VSNL1: variants seen among roughly 807,000 people sequenced by gnomAD.
VSNL1 encodes the protein visinin like 1.
VSNL1 carries 6 observed loss-of-function variants against 20.4 expected under a neutral mutation model. The ratio of observed to expected loss-of-function variants is 0.29; its 90% CI spans 0.16 to 0.58. The LOEUF is 0.58. Ranked by LOEUF, VSNL1 falls within the 20% of genes least tolerant of loss-of-function variation. VSNL1 has a pLI of 0.90. For missense variants in VSNL1, 100 were observed against 234.5 expected (o/e 0.43, Z 3.75); for synonymous variants, 93 against 86.4 (o/e 1.08, Z -0.42).
Position 17,573,221 on chromosome 2 carries a change from G to A in VSNL1, c.-5-18849G>A, listed in dbSNP as rs145513384. On this transcript the variant is annotated intron_variant, in intron 1 of 3. Transcript: ENST00000295156. ...GCAAATTTACTCATGTTTTAAGTCT[G>A]GGAGCATGAAGTGGGAGAAGTAAGA... 2.2e-3 allele frequency among the ~76,000 whole-genome samples: 330 copies of A among 152,254 alleles called. 1 individual carries two copies. Among genetic ancestry groups the A allele is most frequent in the African/African-American group, 6.2e-3 (259 of 41,542 alleles).
intron 2 of VSNL1, among the ~76,000 whole-genome samples, chr2:17,646,418 G>A (rs1474082862): frequency 6.6e-6 from 1 of 152,226 alleles, no homozygotes; most frequent in Non-Finnish European, 1.5e-5. Flanking sequence ...GGCAGAAACG[G>A]TCAGACAGAT....
At chr2:17,558,373 TA>T (rs1191194620) in intron 1 of VSNL1, among the ~76,000 whole-genome samples, 1 of 152,238 alleles carries the variant, frequency 6.6e-6, no homozygotes, top group African/African-American at 2.4e-5. Flanking sequence ...AATTAAATTA[TA>T]AATGTTGCCA....
At chr2:17,563,413 G>GTA (rs1198525419) in intron 1 of VSNL1, among the ~76,000 whole-genome samples, 10 of 152,202 alleles carry the variant, frequency 6.6e-5, no homozygotes, top group African/African-American at 2.4e-4. Context: ...AGTCAGTACT[G>GTA]TATGGAGAGA....
chr2:17,635,906 G>A (rs1372707304), intron 2 of VSNL1, among the ~76,000 whole-genome samples: 2 of 152,052 alleles, frequency 1.3e-5, no homozygotes, highest in Non-Finnish European at 2.9e-5. Context: ...CCATGCTTCA[G>A]CAATGGGCCA....
intron 1 of VSNL1, among the ~76,000 whole-genome samples, chr2:17,549,889 A>G (rs1284544565): frequency 2.6e-5 from 4 of 152,370 alleles, no homozygotes; most frequent in African/African-American, 9.6e-5. Context: ...TGCTTTAGAA[A>G]GACAAAAGCT....
Position 17,570,866 on chromosome 2 carries a change from G to A in VSNL1, c.-5-21204G>A, listed in dbSNP as rs116821324. Among the ~76,000 whole-genome samples, 389 of 152,234 alleles carry A rather than the reference G, an allele frequency of 2.6e-3. 1 individual carries two copies. The highest frequency in any genetic ancestry group is 9.1e-3 in the African/African-American group (377 of 41,542). On this transcript the variant is annotated intron_variant, in intron 1 of 3. Transcript: ENST00000295156. ...TCGAGGCCAACCTGGCCATGATGGT[G>A]AAACCCCAATTCTACTAAAAATACC...
intron 1 of VSNL1, among the ~76,000 whole-genome samples, chr2:17,574,839 T>C (rs1018115604): frequency 2.0e-5 from 3 of 152,176 alleles, no homozygotes; most frequent in Non-Finnish European, 4.4e-5. Context: ...TGATCACGGC[T>C]CACTGCAGCC....
intron 2 of VSNL1, among the ~76,000 whole-genome samples, chr2:17,647,120 T>C (rs185197315): frequency 1.4e-3 from 216 of 152,354 alleles, no homozygotes; most frequent in Middle Eastern, 6.8e-3. Flanking sequence ...AAATTTACAA[T>C]TGATTTTTCT....
At position 17,655,494 on chromosome 2, in the gene VSNL1, C is replaced by CAA; in HGVS notation, c.*101_*102insAA. The CAA allele has an allele frequency of 9.3e-7, 1 of 1,071,406 alleles. No homozygotes were observed. The highest frequency in any genetic ancestry group is 2.2e-5 in the Admixed American group (1 of 46,084). 66.4% of individuals were successfully genotyped at this position (1,071,406 alleles called of 1,614,324 possible). Reference sequence around the variant, plus strand: ...ACACACACACACACACACACACACACACACACAAATATTGCTTGGACTACC... The same window carrying CAA: ...ACACACACACACACACACACACACACAAACACACAAATATTGCTTGGACTACC... On this transcript the variant is annotated 3_prime_UTR_variant, in exon 4 of 4. Transcript: ENST00000295156. The surrounding 1 kb of genome is among the most constrained non-coding windows in gnomAD (Gnocchi z 5.2).
chr2:17,643,458 CTTCT>C (rs1347059442), intron 2 of VSNL1, among the ~76,000 whole-genome samples: 17 of 152,138 alleles, frequency 1.1e-4, no homozygotes, highest in Non-Finnish European at 2.1e-4. Flanking sequence ...CATTTCAACC[CTTCT>C]ACTGGTCAGT....
chr2:17,594,802 A>AGC (rs1664676135), intron 2 of VSNL1, among the ~76,000 whole-genome samples: 1 of 152,232 alleles, frequency 6.6e-6, no homozygotes, highest in Non-Finnish European at 1.5e-5. Flanking sequence ...GGATAATGGG[A>AGC]GTGGCTCCGC....
At chr2:17,591,170 T>C (rs1007263536) in intron 1 of VSNL1, among the ~76,000 whole-genome samples, 4 of 152,192 alleles carry the variant, frequency 2.6e-5, no homozygotes, top group African/African-American at 9.7e-5. Flanking sequence ...TTATGTCTGC[T>C]TTATTAATGA....
At chr2:17,635,709 G>A (rs1665733538) in intron 2 of VSNL1, among the ~76,000 whole-genome samples, 1 of 152,120 alleles carries the variant, frequency 6.6e-6, no homozygotes, top group African/African-American at 2.4e-5. Context: ...CAGGTAAAAG[G>A]ACTTTTTGTA....
In VSNL1 at chr2:17,645,184, T is replaced by C. The variant is rs183894355; in HGVS notation, c.163-4226T>C. On this transcript the variant is annotated intron_variant, in intron 2 of 3. Transcript: ENST00000295156. ...CCAGTGTTAGCCAGGAGCTGGGCCT[T>C]GGGCAGAGCCCTGGAGAGAGGCATC... 2.0e-5 allele frequency among the ~76,000 whole-genome samples: 3 copies of C among 152,376 alleles called. No homozygotes were observed. In the East Asian group the frequency reaches 5.8e-4, roughly 29 times the overall value.
chr2:17,555,650 A>C (rs1442182651), intron 1 of VSNL1, among the ~76,000 whole-genome samples: 1 of 152,284 alleles, frequency 6.6e-6, no homozygotes, highest in South Asian at 2.1e-4. Context: ...GAATTCACTC[A>C]TTTATGTTTT....
chr2:17,597,491 GA>G (rs1664736607), intron 2 of VSNL1, among the ~76,000 whole-genome samples: 1 of 152,176 alleles, frequency 6.6e-6, no homozygotes, highest in Non-Finnish European at 1.5e-5. Context: ...TTTCTTCTTA[GA>G]AAAGTCTTAG....
At chr2:17,574,678 A>G (rs1233696234) in intron 1 of VSNL1, among the ~76,000 whole-genome samples, 4 of 152,172 alleles carry the variant, frequency 2.6e-5, no homozygotes, top group African/African-American at 9.7e-5. Flanking sequence ...TCTTCTGCCC[A>G]TTCATTTTCC....
chr2:17,557,786 C>A (rs778723498), intron 1 of VSNL1, among the ~76,000 whole-genome samples: 3 of 152,166 alleles, frequency 2.0e-5, no homozygotes, highest in African/African-American at 7.2e-5. Flanking sequence ...GGTAAATCTC[C>A]AAGGGAAGCT....
At chr2:17,607,225 G>A (rs76737625) in intron 2 of VSNL1, among the ~76,000 whole-genome samples, 2,085 of 152,292 alleles carry the variant, frequency 0.014, 32 homozygotes, top group African/African-American at 0.047. Context: ...TGTTGCTAGC[G>A]AGTTGATCTG....
Sources: allele counts gnomAD v4.1 joint callset (sites outside exome capture counted in the v4.1 genomes callset), GRCh38; gene constraint gnomAD v4.1.1; non-coding constraint Gnocchi (gnomAD v3.1); transcripts MANE v1.5; gene names NCBI Gene and HGNC (gene_info 2026-07-23, HGNC 2026-07-21).